Variants in GRM4 observed in about 807,000 individuals in gnomAD.
The protein encoded by GRM4 is glutamate metabotropic receptor 4, also known as metabotropic glutamate receptor 4.
Under a neutral mutation model 81.7 loss-of-function variants are expected in GRM4, and 28 were observed. The observed-to-expected ratio is 0.34, with a 90% confidence interval of 0.25 to 0.47. The LOEUF (loss-of-function observed/expected upper bound fraction) is 0.47, where lower values mean the gene tolerates loss of function less well. Ranked by LOEUF, GRM4 falls within the 20% of genes least tolerant of loss-of-function variation. GRM4 has a pLI of 1.00. For missense variants in GRM4, 948 were observed against 1,290.0 expected, an observed-to-expected ratio of 0.73 and a Z score of 4.06; for synonymous variants, 488 against 528.8, an observed-to-expected ratio of 0.92 and a Z score of 1.06.
chr6:34,100,797 G>A (rs1275034407), intron 2 of GRM4, among the ~76,000 whole-genome samples: 1 of 152,226 alleles, frequency 6.6e-6, no homozygotes, highest in Non-Finnish European at 1.5e-5. Flanking sequence ...TATCGCTTCT[G>A]TCCCACAGCA....
At chr6:34,075,916 T>C (rs1184866278) in intron 3 of GRM4, among the ~76,000 whole-genome samples, 1 of 152,180 alleles carries the variant, frequency 6.6e-6, no homozygotes, top group African/African-American at 2.4e-5. Context: ...GACAATGTTG[T>C]CTCCCCAGCC....
chr6:34,138,130 G>A lies in GRM4; in HGVS notation c.-363-4271C>T, dbSNP rs559971785. On this transcript the variant is annotated intron_variant, in intron 1 of 10. Transcript: ENST00000538487. ...CAAACACCAGAATAAAGGGTAAATCGAGAGAACAACCTTGTCCTTTGTTTC... is the reference window on the plus strand; with the variant it reads ...CAAACACCAGAATAAAGGGTAAATCAAGAGAACAACCTTGTCCTTTGTTTC... 5.9e-5 allele frequency among the ~76,000 whole-genome samples: 9 copies of A among 152,278 alleles called. No homozygotes were observed. The South Asian group carries it at 6.2e-4, about 11-fold the overall frequency.
In GRM4 at chr6:34,061,911, G is replaced by A; in HGVS notation, c.854C>T (p.Ala285Val). ...TSNARAVIIF[A>V]NEDDIRRVLE... Reference sequence around the variant, plus strand: ...CCCTCACCTGATGTCATCCTCGTTGGCAAAGATGATGACTGCCCTGGCGTT... The same window carrying A: ...CCCTCACCTGATGTCATCCTCGTTGACAAAGATGATGACTGCCCTGGCGTT... The change falls in exon 4 of 11, where the codon GCC becomes GTC. Residue 285 changes from alanine (A) to valine (V), a missense_variant. Ala to Val is a moderately conservative substitution (Grantham distance 64). Transcript: ENST00000538487. 1 of 1,612,668 alleles carries A rather than the reference G, an allele frequency of 6.2e-7. No homozygotes were observed. Among genetic ancestry groups the A allele is most frequent in the Non-Finnish European group, 8.5e-7 (1 of 1,178,950 alleles).
At chr6:34,045,494 G>A (rs955186734) in intron 6 of GRM4, among the ~76,000 whole-genome samples, 6 of 152,208 alleles carry the variant, frequency 3.9e-5, no homozygotes, top group Non-Finnish European at 8.8e-5. Context: ...GAGCTAGCTC[G>A]GAAGTGGTGG....
At position 34,133,188 on chromosome 6, in the gene GRM4, G is replaced by A. The variant is rs1362234397; in HGVS notation, c.309C>T (p.Ala103=). The A allele has an allele frequency of 1.2e-6, 2 of 1,613,848 alleles. No homozygotes were observed. Among genetic ancestry groups the A allele is most frequent in the South Asian group, 1.1e-5 (1 of 91,064 alleles). The part of the protein sequence containing the change: ...PDLLPNITLG[A]RILDTCSRDT... ...CCCTGGAGCAGGTGTCCAGAATGCG[G>A]GCGCCCAGCGTGATGTTAGGCAGCA... The change falls in exon 2 of 11, where the codon GCC becomes GCT. Residue 103 remains alanine, a synonymous_variant. Transcript: ENST00000538487. The surrounding 1 kb of genome is among the most constrained non-coding windows in gnomAD (Gnocchi z 6.5).
At chr6:34,103,651 C>T (rs1393769668) in intron 2 of GRM4, 1 of 1,535,448 alleles carries the variant, frequency 6.5e-7, no homozygotes, top group Non-Finnish European at 8.7e-7. Context: ...GGGAGGAGCC[C>T]AGGCAGGCAG....
intron 6 of GRM4, among the ~76,000 whole-genome samples, chr6:34,050,732 A>G (rs1206616614): frequency 1.3e-5 from 2 of 152,160 alleles, no homozygotes; most frequent in Non-Finnish European, 2.9e-5. Context: ...TTCCTCCAAG[A>G]GGCCTCCAGG....
In GRM4 at chr6:34,036,597, G is replaced by T; in HGVS notation, c.1513C>A (p.Arg505=). The change falls in exon 9 of 11, where the codon CGG becomes AGG. Residue 505 remains arginine (R), a synonymous_variant. Coordinates refer to ENST00000538487, the MANE Select transcript of GRM4 (RefSeq NM_000841.4). This position sits in a 1 kb window ranked among gnomAD's most constrained non-coding sequence, Gnocchi z 9.0. ...TGCCCGCTCCCCGGCCAGTGCATCC[G>T]CTCTATCTGGCAATGACAGCACCGT... ...WTDHLHLRIE[R]MHWPGSGQQL... The T allele has an allele frequency of 6.5e-7, 1 of 1,550,282 alleles. No individual in the cohort carries two copies.
At chr6:34,024,017 T>C (rs2127433592) in intron 10 of GRM4, among the ~76,000 whole-genome samples, 1 of 152,310 alleles carries the variant, frequency 6.6e-6, no homozygotes, top group East Asian at 1.9e-4. Context: ...AAAGCTGCCC[T>C]GACCCTCGGT....
rs563291284 is a variant in GRM4 at position 34,068,086 on chromosome 6, G to A, written c.737-6058C>T. On this transcript the variant is annotated intron_variant, in intron 3 of 10. Transcript: ENST00000538487. This position sits in a 1 kb window ranked among gnomAD's most constrained non-coding sequence, Gnocchi z 4.2. ...CGCCATGCAGCCTGCGTCCCAGGGTGGGAAGGAACCGTAAACATCCTGGAA... is the reference window on the plus strand; with the variant it reads ...CGCCATGCAGCCTGCGTCCCAGGGTAGGAAGGAACCGTAAACATCCTGGAA... 6.6e-6 allele frequency among the ~76,000 whole-genome samples: 1 copy of A among 152,348 alleles called. No individual in the cohort carries two copies. Among genetic ancestry groups the A allele is most frequent in the South Asian group, 2.1e-4 (1 of 4,830 alleles).
intron 6 of GRM4, among the ~76,000 whole-genome samples, chr6:34,051,365 T>C (rs1306191423): frequency 3.9e-5 from 6 of 152,244 alleles, no homozygotes; most frequent in Non-Finnish European, 8.8e-5. Context: ...GCTGTGATTA[T>C]GTTTTCACTA....
At chr6:34,138,255 C>G (rs1346509130) in intron 1 of GRM4, among the ~76,000 whole-genome samples, 1 of 152,176 alleles carries the variant, frequency 6.6e-6, no homozygotes, top group African/African-American at 2.4e-5. Context: ...GCCCGAGCCC[C>G]TTGGGGTTCA....
At position 34,074,883 on chromosome 6, in the gene GRM4, A is replaced by T. The variant is rs548704120; in HGVS notation, c.737-12855T>A. ...CACCAAAAGCCCCCCAGAGGTCCCT[A>T]CCCCAGGTCAACCCACCCAGGCCCT... is the stretch of plus-strand genomic sequence containing the variant. On this transcript the variant is annotated intron_variant, in intron 3 of 10. Coordinates refer to ENST00000538487, the MANE Select transcript of GRM4 (RefSeq NM_000841.4). The surrounding 1 kb of genome is among the most constrained non-coding windows in gnomAD (Gnocchi z 4.9). 2.6e-5 allele frequency among the ~76,000 whole-genome samples: 4 copies of T among 151,980 alleles called. No individual in the cohort carries two copies. The highest frequency in any genetic ancestry group is 6.6e-5 in the Admixed American group (1 of 15,256).
Position 34,074,557 on chromosome 6 carries a change from C to T in GRM4, c.737-12529G>A, listed in dbSNP as rs1410441212. ...CCTGCCAGGAGAGGAGGCTGCTGGG[C>T]GGCGCAGGCAGTGTGGCTCAGAGCT... is the stretch of plus-strand genomic sequence containing the variant. On this transcript the variant is annotated intron_variant, in intron 3 of 10. Coordinates refer to ENST00000538487, the MANE Select transcript of GRM4 (RefSeq NM_000841.4). This position sits in a 1 kb window ranked among gnomAD's most constrained non-coding sequence, Gnocchi z 4.9. Among the ~76,000 whole-genome samples, 1 of 138,996 alleles carries T rather than the reference C, an allele frequency of 7.2e-6. No individual in the cohort carries two copies. Among genetic ancestry groups the T allele is most frequent in the African/African-American group, 3.1e-5 (1 of 32,762 alleles). 91.2% of individuals were successfully genotyped at this position (138,996 alleles called of 152,430 possible).
At chr6:34,065,277 T>C (rs1054724498) in intron 3 of GRM4, among the ~76,000 whole-genome samples, 1 of 152,014 alleles carries the variant, frequency 6.6e-6, no homozygotes, top group African/African-American at 2.4e-5. Flanking sequence ...GCCCAGCCCC[T>C]GGGCCACACG....
In GRM4 at chr6:34,036,662, A is replaced by ACCCAGTAGGATGG; in HGVS notation, c.1507-60_1507-59insCCATCCTACTGGG. 2 of 962,916 alleles carry ACCCAGTAGGATGG rather than the reference A, an allele frequency of 2.1e-6. No individual in the cohort carries two copies. Among genetic ancestry groups the ACCCAGTAGGATGG allele is most frequent in the Non-Finnish European group, 1.6e-6 (1 of 642,532 alleles). 59.6% of individuals were successfully genotyped at this position (962,916 alleles called of 1,614,324 possible). On this transcript the variant is annotated intron_variant, in intron 8 of 10. Transcript: ENST00000538487. This position sits in a 1 kb window ranked among gnomAD's most constrained non-coding sequence, Gnocchi z 9.0. ...AACATGCCACCCGGTGCCCCGGACC[A>ACCCAGTAGGATGG]TCCTACTGGGTGGTGGCACCTTGTA... is the stretch of plus-strand genomic sequence containing the variant.
At chr6:34,097,429 C>T (rs1561810751) in intron 2 of GRM4, among the ~76,000 whole-genome samples, 1 of 35,332 alleles carries the variant, frequency 2.8e-5, no homozygotes, top group Non-Finnish European at 6.5e-5. Flanking sequence ...GTGTGCATGC[C>T]TGTGTGTGTG....
rs1420301646 is a variant in GRM4 at position 34,061,720 on chromosome 6, T to C, written c.872+173A>G. 9.7e-6 allele frequency: 6 copies of C among 620,150 alleles called. No individual in the cohort carries two copies. The African/African-American group carries it at 1.1e-4, about 11-fold the overall frequency. The allele number at this position is 620,150 out of a possible 1,614,324, so 38.4% of individuals were successfully genotyped here. A position where few individuals can be genotyped will look rare whatever the true frequency, so the allele number is the denominator to read the frequency against. ...GAAGGAGTGCCCCATAGCAGTAGCT[T>C]GTGCTCTAGCCTGTGGGTCTCCCTG... On this transcript the variant is annotated intron_variant, in intron 4 of 10. Transcript: ENST00000538487.
intron 2 of GRM4, among the ~76,000 whole-genome samples, chr6:34,128,099 T>C (rs1442131822): frequency 6.6e-6 from 1 of 152,166 alleles, no homozygotes; most frequent in Non-Finnish European, 1.5e-5. Flanking sequence ...AAATTCTCAT[T>C]ACTCAAAGTT....
Sources: gnomAD v4.1 joint callset for allele counts (sites outside exome capture counted in the v4.1 genomes callset) on GRCh38, gnomAD v4.1.1 for gene constraint, Gnocchi (gnomAD v3.1) non-coding constraint, MANE v1.5 for transcripts, NCBI Gene and HGNC (gene_info 2026-07-23, HGNC 2026-07-21) for gene names.